The following NASP variants were observed in gnomAD, a reference collection of about 807,000 sequenced individuals.
The protein encoded by NASP is nuclear autoantigenic sperm protein.
In NASP, 24 loss-of-function variants were observed where a neutral mutation model predicts 89.5. The ratio of observed to expected loss-of-function variants is 0.27; its 90% CI spans 0.19 to 0.38. NASP has a LOEUF of 0.38. Ranked by LOEUF, NASP falls within the 10% of genes least tolerant of loss-of-function variation. NASP has a pLI of 1.00. For synonymous variants in NASP, 306 were observed against 324.7 expected (o/e 0.94, Z 0.62); for missense variants, 848 against 921.4 (o/e 0.92, Z 1.03).
At chr1:45,617,158 C>A (rs892131040) in intron 13 of NASP, 6 of 336,206 alleles carry the variant, frequency 1.8e-5, no homozygotes, top group African/African-American at 1.3e-4. Context: ...ACTCTGAACT[C>A]CTGTTCTGTT....
intron 6 of NASP, chr1:45,611,335 A>C (rs1477306194): frequency 6.6e-6 from 1 of 152,184 alleles, no homozygotes; most frequent in African/African-American, 2.4e-5. Flanking sequence ...TTTTACATCA[A>C]ATTTTTAAAT....
Position 45,594,548 on chromosome 1 carries a change from A to T in NASP, c.107+3278A>T, listed in dbSNP as rs147562705. On this transcript the variant is annotated intron_variant, in intron 2 of 14. Coordinates refer to ENST00000350030, the MANE Select transcript of NASP (RefSeq NM_002482.4). Reference sequence around the variant, plus strand: ...TCATCAGTATTAAACTTCACTGCCCAGGTTGGAGTACAGTGGAGCGATCGT... The same window carrying T: ...TCATCAGTATTAAACTTCACTGCCCTGGTTGGAGTACAGTGGAGCGATCGT... 5.7e-5 allele frequency: 19 copies of T among 335,662 alleles called. 1 individual carries two copies. Among genetic ancestry groups the T allele is most frequent in the Non-Finnish European group, 9.8e-5 (16 of 162,590 alleles). The allele number at this position is 335,662 out of a possible 1,614,324, so 20.8% of individuals were successfully genotyped here. A position where few individuals can be genotyped will look rare whatever the true frequency, so the allele number is the denominator to read the frequency against.
chr1:45,590,170 A>G (rs1643496455), intron 1 of NASP, among the ~76,000 whole-genome samples: 1 of 152,112 alleles, frequency 6.6e-6, no homozygotes, highest in Non-Finnish European at 1.5e-5. Context: ...GCTTTAATTC[A>G]TCTTTTTTTC....
At position 45,584,221 on chromosome 1, in the gene NASP, G is replaced by A. The variant is rs1644492687; in HGVS notation, c.59+16G>A. 2 of 1,574,352 alleles carry A rather than the reference G, an allele frequency of 1.3e-6. No individual in the cohort carries two copies. The highest frequency in any genetic ancestry group is 1.3e-5 in the African/African-American group (1 of 74,216). On this transcript the variant is annotated intron_variant, in intron 1 of 14. Transcript: ENST00000350030. ...CTGCCGACAAGTAAGCGGGACTGTG[G>A]AAAGCTTAAGGCACTGGCCAGTCCG...
intron 1 of NASP, among the ~76,000 whole-genome samples, chr1:45,586,846 GAAAT>G (rs34982415): frequency 5.3e-5 from 8 of 151,988 alleles, no homozygotes; most frequent in Non-Finnish European, 1.0e-4. Flanking sequence ...AATGGAATGA[GAAAT>G]AAACCTCAGT....
At chr1:45,613,310 C>G (rs1644048505) in intron 7 of NASP, 62 bp downstream of exon 7, 4 of 1,539,932 alleles carry the variant, frequency 2.6e-6, no homozygotes, top group Non-Finnish European at 3.5e-6. Flanking sequence ...GACTGGAGCT[C>G]ACTCTTGTTG....
At chr1:45,614,965 T>A (rs1264639262) in intron 9 of NASP, 48 bp from the exon 10 acceptor site, 1 of 1,515,932 alleles carries the variant, frequency 6.6e-7, no homozygotes, top group Non-Finnish European at 9.0e-7. Flanking sequence ...GGAAGTATTT[T>A]ATGTTGAATG....
chr1:45,594,683 TTTG>T (rs1230819396), intron 2 of NASP: 1 of 454,434 alleles, frequency 2.2e-6, no homozygotes, highest in Non-Finnish European at 4.4e-6. Flanking sequence ...ATTTTTGTAT[TTTG>T]TTTTTAGAGA....
intron 2 of NASP, among the ~76,000 whole-genome samples, chr1:45,597,671 A>G (rs1282723817): frequency 1.3e-5 from 2 of 152,190 alleles, no homozygotes; most frequent in East Asian, 1.9e-4. Context: ...ACTGACAGAT[A>G]TAACTTGGAT....
At chr1:45,606,700 T>C in intron 5 of NASP, 109 bp downstream of exon 5, 2 of 670,304 alleles carry the variant, frequency 3.0e-6, no homozygotes, top group Non-Finnish European at 5.1e-6. Context: ...CTAAGATGCT[T>C]GGGGTGATGA....
intron 2 of NASP, among the ~76,000 whole-genome samples, chr1:45,598,453 C>T (rs896726957): frequency 5.3e-5 from 8 of 152,144 alleles, no homozygotes; most frequent in African/African-American, 1.9e-4. Context: ...CTATTCCCCT[C>T]AACCCCCATT....
chr1:45,588,823 A>C, intron 1 of NASP: 1 of 259,584 alleles, frequency 3.9e-6, no homozygotes, highest in Non-Finnish European at 7.7e-6. Context: ...AAGCTGACGC[A>C]GGAGAATGGC....
At chr1:45,602,936 T>C (rs1643870742) in intron 3 of NASP, among the ~76,000 whole-genome samples, 1 of 152,234 alleles carries the variant, frequency 6.6e-6, no homozygotes, top group Admixed American at 6.5e-5. Flanking sequence ...CCAGCCTGAC[T>C]TTCCGAGTTT....
chr1:45,594,637 G>C, intron 2 of NASP: 1 of 436,324 alleles, frequency 2.3e-6, no homozygotes, highest in South Asian at 1.6e-5. Context: ...CTCCTGGGTA[G>C]CTAGGATCAC....
rs185545382 is a variant in NASP at position 45,608,343 on chromosome 1, C to T, written c.1426+6C>T. 77 of 1,596,582 alleles carry T rather than the reference C, an allele frequency of 4.8e-5. No individual in the cohort carries two copies. Among genetic ancestry groups the T allele is most frequent in the Middle Eastern group, 1.7e-4 (1 of 6,048 alleles). On this transcript the variant is annotated splice_donor_region_variant and intron_variant, in intron 6 of 14. Coordinates refer to ENST00000350030, the MANE Select transcript of NASP (RefSeq NM_002482.4). ...ACAGATGAAAGAGGGTGAAGGTAAC[C>T]GGGATATGCAAGAGCTGCAGTGGGT...
intron 3 of NASP, among the ~76,000 whole-genome samples, chr1:45,602,943 G>A (rs950328489): frequency 1.2e-4 from 18 of 152,144 alleles, no homozygotes; most frequent in African/African-American, 4.1e-4. Context: ...GACTTTCCGA[G>A]TTTTAACACT....
chr1:45,594,224 G>T (rs1230536393), intron 2 of NASP, among the ~76,000 whole-genome samples: 1 of 151,846 alleles, frequency 6.6e-6, no homozygotes, highest in Non-Finnish European at 1.5e-5. Context: ...AGCTACTTGG[G>T]AGGCTGAGGC....
At chr1:45,586,110 C>T (rs1407790344) in intron 1 of NASP, among the ~76,000 whole-genome samples, 2 of 150,044 alleles carry the variant, frequency 1.3e-5, no homozygotes, top group African/African-American at 4.9e-5. Context: ...TAGTTCCTCA[C>T]AGCATAAATT....
In NASP at chr1:45,607,309, T is replaced by G; in HGVS notation, c.410-12T>G. The G allele has an allele frequency of 6.2e-7, 1 of 1,611,924 alleles. No homozygotes were observed. The highest frequency in any genetic ancestry group is 8.5e-7 in the Non-Finnish European group (1 of 1,179,094). Reference sequence around the variant, plus strand: ...AAGACATGTTTATGCTTCATGTTCTTTAACCATGTAGAGGAAGCAAGGGAA... The same window carrying G: ...AAGACATGTTTATGCTTCATGTTCTGTAACCATGTAGAGGAAGCAAGGGAA... On this transcript the variant is annotated splice_polypyrimidine_tract_variant and intron_variant, in intron 5 of 14. Coordinates refer to ENST00000350030, the MANE Select transcript of NASP (RefSeq NM_002482.4).
Sources: allele counts gnomAD v4.1 joint callset (sites outside exome capture counted in the v4.1 genomes callset), GRCh38; gene constraint gnomAD v4.1.1; transcripts MANE v1.5; gene names NCBI Gene and HGNC (gene_info 2026-07-23, HGNC 2026-07-21).